PLCB2: variants seen among roughly 807,000 people sequenced by gnomAD.
PLCB2 encodes the protein 1-phosphatidylinositol 4,5-bisphosphate phosphodiesterase beta-2.
Under a neutral mutation model 141.7 loss-of-function variants are expected in PLCB2, and 115 were observed. That is an observed-to-expected ratio of 0.81 (90% CI 0.70 to 0.95). The LOEUF (loss-of-function observed/expected upper bound fraction) is 0.95. Among genes scored for constraint, PLCB2 ranks in the 40% least tolerant of loss-of-function variants. The probability of loss-of-function intolerance (pLI) is 0.00; values close to 1 mark genes in which losing one functional copy is unlikely to be tolerated. For synonymous variants in PLCB2, 603 were observed against 595.6 expected (o/e 1.01, Z -0.18); for missense variants, 1,403 against 1,541.1 (o/e 0.91, Z 1.50).
At chr15:40,305,828 C>A (rs557741267) in intron 1 of PLCB2, among the ~76,000 whole-genome samples, 1 of 152,226 alleles carries the variant, frequency 6.6e-6, no homozygotes, top group Non-Finnish European at 1.5e-5. Context: ...CTCCCTATAG[C>A]TCATGCCTAG....
At chr15:40,285,225 G>A (rs756007129), downstream of PLCB2, among the ~76,000 whole-genome samples, 5 of 152,186 alleles carry the variant, frequency 3.3e-5, no homozygotes, top group African/African-American at 1.2e-4. Flanking sequence ...CATCCACTAC[G>A]AAGCCCCCCT....
In PLCB2 at chr15:40,297,506, G is replaced by T; in HGVS notation, c.1323+15C>A. ...AGGCCCAAGGCTCAAATGTCCCACA[G>T]CGAAGCCCACTCACTGGGAACTTTT... is the stretch of plus-strand genomic sequence containing the variant. On this transcript the variant is annotated intron_variant, in intron 13 of 31. Transcript: ENST00000260402. This position sits in a 1 kb window ranked among gnomAD's most constrained non-coding sequence, Gnocchi z 4.2. The T allele has an allele frequency of 6.2e-7, 1 of 1,602,994 alleles. No individual in the cohort carries two copies. The highest frequency in any genetic ancestry group is 8.5e-7 in the Non-Finnish European group (1 of 1,169,796).
intron 1 of PLCB2, among the ~76,000 whole-genome samples, chr15:40,304,944 T>C (rs963236074): frequency 6.6e-6 from 1 of 152,222 alleles, no homozygotes; most frequent in African/African-American, 2.4e-5. Flanking sequence ...TGCCGTATAC[T>C]AAAACAGACC....
At position 40,298,950 on chromosome 15, in the gene PLCB2, T is replaced by G. The variant is rs751258356; in HGVS notation, c.698A>C (p.Lys233Thr). 1.2e-6 allele frequency: 2 copies of G among 1,606,378 alleles called. No homozygotes were observed. The highest frequency in any genetic ancestry group is 1.7e-6 in the Non-Finnish European group (2 of 1,179,416). The change falls in exon 9 of 32, where the codon AAA (lysine) becomes ACA (threonine). Residue 233 changes from lysine (K) to threonine (T), a missense_variant. By Grantham distance (78) the Lys-to-Thr change is moderately conservative. Coordinates refer to ENST00000260402, the MANE Select transcript of PLCB2 (RefSeq NM_004573.3). ...EIFTSYHAKA[K>T]PYMTKEHLTK... ...CAGGTGCTCCTTCGTCATGTAGGGT[T>G]TGGCCTTAGCATGGCTTCAAGCCAG... is the stretch of plus-strand genomic sequence containing the variant.
Position 40,287,987 on chromosome 15 carries a change from C to T in PLCB2, c.*728G>A. On this transcript the variant is annotated 3_prime_UTR_variant, in exon 32 of 32. Coordinates refer to ENST00000260402, the MANE Select transcript of PLCB2 (RefSeq NM_004573.3). ...CATAAATTCAGGAGAGCAAATGATG[C>T]TGACCTTGTCAGGCAGGCAGCCTGA... 2.0e-6 allele frequency: 2 copies of T among 984,680 alleles called. No individual in the cohort carries two copies. Among genetic ancestry groups the T allele is most frequent in the Non-Finnish European group, 2.4e-6 (2 of 829,280 alleles). 61.0% of individuals were successfully genotyped at this position (984,680 alleles called of 1,614,324 possible).
chr15:40,293,671 C>T lies in PLCB2; in HGVS notation c.2115G>A (p.Val705=). 6.2e-7 allele frequency: 1 copy of T among 1,614,128 alleles called. No individual in the cohort carries two copies. The highest frequency in any genetic ancestry group is 8.5e-7 in the Non-Finnish European group (1 of 1,179,992). The change falls in exon 20 of 32, where the codon GTG becomes GTA. Residue 705 remains valine, a synonymous_variant. Coordinates refer to ENST00000260402, the MANE Select transcript of PLCB2 (RefSeq NM_004573.3). ...SERSVRTYVE[V]ELFGLPGDPK... Reference sequence around the variant, plus strand: ...GGTCCCCAGGAAGGCCAAACAGCTCCACTTCTACATAGGTGCGCACGCTGC... The same window carrying T: ...GGTCCCCAGGAAGGCCAAACAGCTCTACTTCTACATAGGTGCGCACGCTGC...
Position 40,288,735 on chromosome 15 carries a change from C to T in PLCB2, c.3538G>A (p.Ala1180Thr), listed in dbSNP as rs1159251267. Residue 1180 changes from alanine to threonine, a missense_variant, in exon 32 of 32, where the codon GCC becomes ACC. Coordinates refer to ENST00000260402, the MANE Select transcript of PLCB2 (RefSeq NM_004573.3). ...EQDPLIAKAD[A>T]QESRL is the part of the protein sequence containing the mutation. The stretch of plus-strand genomic sequence containing the variant: ...GGGCATCAGAGGCGGCTCTCCTGGG[C>T]ATCTGCCTTTGCTATGAGTGGGTCC... 3.1e-6 allele frequency: 5 copies of T among 1,596,764 alleles called. No homozygotes were observed. Among genetic ancestry groups the T allele is most frequent in the South Asian group, 2.2e-5 (2 of 90,466 alleles).
chr15:40,302,193 G>A lies in PLCB2; in HGVS notation c.453-4C>T, dbSNP rs1424452747. ...CTGCATCTTGAGCTTCACAAGGCTG[G>A]GGGCAGAAAGCAGCCCGTCAAGGCC... On this transcript the variant is annotated splice_polypyrimidine_tract_variant and splice_region_variant and intron_variant, in intron 5 of 31. Coordinates refer to ENST00000260402, the MANE Select transcript of PLCB2 (RefSeq NM_004573.3). The A allele has an allele frequency of 6.2e-7, 1 of 1,613,198 alleles. No homozygotes were observed. Among genetic ancestry groups the A allele is most frequent in the Non-Finnish European group, 8.5e-7 (1 of 1,179,386 alleles).
chr15:40,288,482 G>T lies in PLCB2; in HGVS notation c.*233C>A, dbSNP rs1053234506. 1 of 1,266,194 alleles carries T rather than the reference G, an allele frequency of 7.9e-7. No homozygotes were observed. Among genetic ancestry groups the T allele is most frequent in the Non-Finnish European group, 9.9e-7 (1 of 1,005,568 alleles). 78.4% of individuals were successfully genotyped at this position (1,266,194 alleles called of 1,614,324 possible). ...CACTTATCTAGAGATGGAGGGGGAG[G>T]TAGGAAGTCAGCTTGAGAAGACTTC... On this transcript the variant is annotated 3_prime_UTR_variant, in exon 32 of 32. Coordinates refer to ENST00000260402, the MANE Select transcript of PLCB2 (RefSeq NM_004573.3).
Position 40,292,906 on chromosome 15 carries a change from T to C in PLCB2, c.2326+20A>G. ...GCTCCTGCTGCTGATCTTGGAACAG[T>C]GAAGGACCCCACTCCTTACCAGAAT... is the stretch of plus-strand genomic sequence containing the variant. On this transcript the variant is annotated intron_variant, in intron 21 of 31. Coordinates refer to ENST00000260402, the MANE Select transcript of PLCB2 (RefSeq NM_004573.3). The C allele has an allele frequency of 6.7e-7, 1 of 1,495,702 alleles. No homozygotes were observed. Among genetic ancestry groups the C allele is most frequent in the Non-Finnish European group, 9.2e-7 (1 of 1,084,708 alleles). 92.7% of individuals were successfully genotyped at this position (1,495,702 alleles called of 1,614,324 possible). A position where few individuals can be genotyped will look rare whatever the true frequency, so the allele number is the denominator to read the frequency against.
rs2040366445 is a variant in PLCB2, at chr15:40,298,807, C to T, written c.841G>A (p.Ala281Thr). The T allele has an allele frequency of 1.9e-6, 3 of 1,612,914 alleles. No individual in the cohort carries two copies. The highest frequency in any genetic ancestry group is 2.7e-5 in the African/African-American group (2 of 74,926). ...IDKYEPSGIN[A>T]QRGQLSPEGM... Reference sequence around the variant, plus strand: ...TTCCCTTAGTCCTCACCCCTCTGTGCATTGATGCCACTGGGCTCATACTTG... The same window carrying T: ...TTCCCTTAGTCCTCACCCCTCTGTGTATTGATGCCACTGGGCTCATACTTG... The change falls in exon 9 of 32, where the codon GCA becomes ACA. Residue 281 changes from alanine (A) to threonine (T), a missense_variant. By Grantham distance (58) the Ala-to-Thr change is moderately conservative. Transcript: ENST00000260402.
Position 40,288,352 on chromosome 15 carries a change from G to C in PLCB2, c.*363C>G. The C allele has an allele frequency of 4.9e-6, 5 of 1,022,560 alleles. No individual in the cohort carries two copies. Among genetic ancestry groups the C allele is most frequent in the Non-Finnish European group, 5.9e-6 (5 of 854,206 alleles). 63.3% of individuals were successfully genotyped at this position (1,022,560 alleles called of 1,614,324 possible). A position where few individuals can be genotyped will look rare whatever the true frequency, so the allele number is the denominator to read the frequency against. ...GAGTGGGTCCAACCCTCCAGGTGAG[G>C]AAACTGAGCCCAGAGCTGGTTGCTC... On this transcript the variant is annotated 3_prime_UTR_variant, in exon 32 of 32. Coordinates refer to ENST00000260402, the MANE Select transcript of PLCB2 (RefSeq NM_004573.3).
In PLCB2 at chr15:40,291,332, C is replaced by G. The variant is rs946771999; in HGVS notation, c.2803G>C (p.Gly935Arg). The part of the protein sequence containing the change: ...QRGAAQLAEL[G>R]PPGVGGVGAC... Reference sequence around the variant, plus strand: ...CCGACGCCCCCCACGCCCGGTGGCCCGAGCTCCGCCAGCTGCGCCGCGCCC... The same window carrying G: ...CCGACGCCCCCCACGCCCGGTGGCCGGAGCTCCGCCAGCTGCGCCGCGCCC... Residue 935 changes from glycine to arginine, a missense_variant, in exon 26 of 32, where the codon GGG becomes CGG. Physicochemically the swap from Gly to Arg is moderately radical, Grantham distance 125. Transcript: ENST00000260402. 5 of 1,530,982 alleles carry G rather than the reference C, an allele frequency of 3.3e-6. No homozygotes were observed. The highest frequency in any genetic ancestry group is 4.4e-6 in the Non-Finnish European group (5 of 1,146,444). The allele number at this position is 1,530,982 out of a possible 1,614,324, so 94.8% of individuals were successfully genotyped here. A position where few individuals can be genotyped will look rare whatever the true frequency, so the allele number is the denominator to read the frequency against.
intron 1 of PLCB2, among the ~76,000 whole-genome samples, chr15:40,306,959 G>A (rs1362041953): frequency 6.6e-6 from 1 of 152,252 alleles, no homozygotes; most frequent in Admixed American, 6.5e-5. Context: ...GAGGGCTGCA[G>A]GGTGCAGCAG....
At chr15:40,299,485 C>T (rs2040404268) in intron 7 of PLCB2, among the ~76,000 whole-genome samples, 1 of 152,132 alleles carries the variant, frequency 6.6e-6, no homozygotes, top group African/African-American at 2.4e-5. Flanking sequence ...CTAAGAATAA[C>T]CAGAATGAGG....
chr15:40,296,015 A>G (rs1475153287), intron 16 of PLCB2, among the ~76,000 whole-genome samples: 1 of 152,042 alleles, frequency 6.6e-6, no homozygotes, highest in East Asian at 1.9e-4. Flanking sequence ...AGCCCACAGC[A>G]CAGTTCAGCC....
In PLCB2 at chr15:40,297,382, G is replaced by A; in HGVS notation, c.1323+139C>T. 1.4e-6 allele frequency: 1 copy of A among 714,452 alleles called. No homozygotes were observed. The highest frequency in any genetic ancestry group is 2.5e-6 in the Non-Finnish European group (1 of 392,688). 44.3% of individuals were successfully genotyped at this position (714,452 alleles called of 1,614,324 possible). On this transcript the variant is annotated intron_variant, in intron 13 of 31. Transcript: ENST00000260402. This position sits in a 1 kb window ranked among gnomAD's most constrained non-coding sequence, Gnocchi z 4.2. ...CCAGCCCAGTGCCTGACACACGGAAGGTGACAGGATCCCAGACCCGCATCT... is the reference window on the plus strand; with the variant it reads ...CCAGCCCAGTGCCTGACACACGGAAAGTGACAGGATCCCAGACCCGCATCT...
At chr15:40,307,401 T>C (rs1247845565) in intron 1 of PLCB2, among the ~76,000 whole-genome samples, 188 bp downstream of exon 1, 1 of 152,118 alleles carries the variant, frequency 6.6e-6, no homozygotes, top group African/African-American at 2.4e-5. Context: ...CTTAGCCCTT[T>C]AGCTGGGGAC....
In PLCB2 at chr15:40,291,351, C is replaced by G. The variant is rs571777565; in HGVS notation, c.2784G>C (p.Ala928=). 5 of 1,525,036 alleles carry G rather than the reference C, an allele frequency of 3.3e-6. No homozygotes were observed. In the East Asian group the frequency reaches 7.5e-5, roughly 23 times the overall value. 94.5% of individuals were successfully genotyped at this position (1,525,036 alleles called of 1,614,324 possible). A position where few individuals can be genotyped will look rare whatever the true frequency, so the allele number is the denominator to read the frequency against. The change falls in exon 26 of 32, where the codon GCG becomes GCC. Residue 928 remains alanine (A), a synonymous_variant. Transcript: ENST00000260402. The part of the protein sequence containing the change: ...RRWEELLQRG[A]AQLAELGPPG... ...GTGGCCCGAGCTCCGCCAGCTGCGC[C>G]GCGCCCCGCTGCAGCAGCTCCTCCC...
Sources: allele counts gnomAD v4.1 joint callset (sites outside exome capture counted in the v4.1 genomes callset), GRCh38; gene constraint gnomAD v4.1.1; non-coding constraint Gnocchi (gnomAD v3.1); transcripts MANE v1.5; gene names NCBI Gene and HGNC (gene_info 2026-07-23, HGNC 2026-07-21).